CNTRL: variants seen among roughly 807,000 people sequenced by gnomAD.
CNTRL encodes 110 kDa centrosomal protein.
Under a neutral mutation model 303.7 loss-of-function variants are expected in CNTRL, and 233 were observed. The observed-to-expected ratio is 0.77, with a 90% CI of 0.69 to 0.86. The LOEUF is 0.86. Ranked by LOEUF, CNTRL falls within the 40% of genes least tolerant of loss-of-function variation. CNTRL has a pLI of 0.00. For missense variants in CNTRL, 2,524 were observed against 2,650.6 expected, an observed-to-expected ratio of 0.95 and a Z score of 1.05; for synonymous variants, 900 against 922.2, an observed-to-expected ratio of 0.98 and a Z score of 0.44.
chr9:121,138,448 C>G lies in CNTRL; in HGVS notation c.2203-97C>G, dbSNP rs538501824. On this transcript the variant is annotated intron_variant, in intron 15 of 43. Coordinates refer to ENST00000373855, the MANE Select transcript of CNTRL (RefSeq NM_007018.6). ...AATTGAGTTGTAAAACTATAGCTAGCAAGGGATTGTGTGTATATGTAAATT... is the reference window on the plus strand; with the variant it reads ...AATTGAGTTGTAAAACTATAGCTAGGAAGGGATTGTGTGTATATGTAAATT... The G allele has an allele frequency of 1.3e-4, 163 of 1,223,762 alleles. No individual in the cohort carries two copies. In the African/African-American group the frequency reaches 1.9e-3, roughly 14 times the overall value. 75.8% of individuals were successfully genotyped at this position (1,223,762 alleles called of 1,614,324 possible).
At chr9:121,160,905 G>A (rs2052814516) in intron 32 of CNTRL, among the ~76,000 whole-genome samples, 1 of 152,154 alleles carries the variant, frequency 6.6e-6, no homozygotes, top group East Asian at 1.9e-4. Context: ...CTTGAGCTCA[G>A]GAGATCAAGG....
chr9:121,169,875 G>A, intron 39 of CNTRL, 59 bp downstream of exon 39: 2 of 1,341,082 alleles, frequency 1.5e-6, no homozygotes, highest in Non-Finnish European at 2.1e-6. Context: ...ATTTTAAACT[G>A]CAACACCACT....
In CNTRL at chr9:121,089,358, G is replaced by A. The variant is rs530660794; in HGVS notation, c.217+815G>A. On this transcript the variant is annotated intron_variant, in intron 3 of 43. Coordinates refer to ENST00000373855, the MANE Select transcript of CNTRL (RefSeq NM_007018.6). ...TTGTAAATAATCTTAGAGAATCTTTGGCTCACAGCCTGGATCTCAACCCAG... is the reference window on the plus strand; with the variant it reads ...TTGTAAATAATCTTAGAGAATCTTTAGCTCACAGCCTGGATCTCAACCCAG... Among the ~76,000 whole-genome samples the A allele has an allele frequency of 3.3e-5, 5 of 152,094 alleles. No individual in the cohort carries two copies. The South Asian group carries it at 1.0e-3, about 32-fold the overall frequency.
chr9:121,150,618 T>C, intron 25 of CNTRL, 135 bp downstream of exon 25: 2 of 782,622 alleles, frequency 2.6e-6, no homozygotes, highest in Non-Finnish European at 4.1e-6. Context: ...TGTTTAGAAC[T>C]GTGCAAGCAT....
chr9:121,151,344 AT>A (rs1028615612), intron 25 of CNTRL, among the ~76,000 whole-genome samples: 2 of 123,154 alleles, frequency 1.6e-5, no homozygotes, highest in African/African-American at 5.9e-5. Context: ...AGAAATAATT[AT>A]TTCCTAATTA....
chr9:121,166,146 C>G lies in CNTRL; in HGVS notation c.5621C>G (p.Ala1874Gly), dbSNP rs2053080930. The G allele has an allele frequency of 1.2e-6, 2 of 1,612,362 alleles. No homozygotes were observed. Among genetic ancestry groups the G allele is most frequent in the East Asian group, 4.5e-5 (2 of 44,800 alleles). The change falls in exon 36 of 44, where the codon GCT (alanine) becomes GGT (glycine). Residue 1874 changes from alanine to glycine, a missense_variant. By Grantham distance (60) the Ala-to-Gly change is moderately conservative. Transcript: ENST00000373855. ...EAVNSLQEEL[A>G]NVQDHLNLAK... Reference sequence around the variant, plus strand: ...GTAAACTCACTGCAGGAGGAACTAGCTAATGTCCAAGACCATTTGAACCTA... The same window carrying G: ...GTAAACTCACTGCAGGAGGAACTAGGTAATGTCCAAGACCATTTGAACCTA...
chr9:121,096,515 G>C lies in CNTRL; in HGVS notation c.573G>C (p.Lys191Asn), dbSNP rs1361613608. The C allele has an allele frequency of 6.5e-7, 1 of 1,543,156 alleles. No homozygotes were observed. Among genetic ancestry groups the C allele is most frequent in the Admixed American group, 1.8e-5 (1 of 56,168 alleles). ...ATATTCCAGTATGGTTAGGGAAGAA[G>C]TTAAAATCTTTGCGAGTCCTCAATT... ...IEHIPVWLGK[K>N]LKSLRVLNLK... Residue 191 changes from lysine to asparagine, a missense_variant, in exon 6 of 44, where the codon AAG becomes AAC. By Grantham distance (94) the Lys-to-Asn change is moderately conservative. Transcript: ENST00000373855.
chr9:121,150,216 C>T lies in CNTRL; in HGVS notation c.3696C>T (p.Asp1232=). 6.2e-7 allele frequency: 1 copy of T among 1,613,414 alleles called. No homozygotes were observed. The highest frequency in any genetic ancestry group is 1.1e-5 in the South Asian group (1 of 91,004). Reference sequence around the variant, plus strand: ...GTCAGGAAGAGAGTGAGCTGGATGACCAAGAAGAACCCCCATTTGTGCCTC... The same window carrying T: ...GTCAGGAAGAGAGTGAGCTGGATGATCAAGAAGAACCCCCATTTGTGCCTC... The part of the protein sequence containing the change: ...GDSQEESELD[D]QEEPPFVPPP... The change falls in exon 25 of 44, where the codon GAC becomes GAT. Residue 1232 remains aspartate (D), a synonymous_variant. Transcript: ENST00000373855.
At chr9:121,077,871 A>G (rs1285502517) in intron 1 of CNTRL, among the ~76,000 whole-genome samples, 1 of 152,080 alleles carries the variant, frequency 6.6e-6, no homozygotes, top group African/African-American at 2.4e-5. Context: ...ACTTGAGCCC[A>G]GGAAGGCAAG....
At chr9:121,139,902 G>A (rs943694445) in intron 16 of CNTRL, among the ~76,000 whole-genome samples, 1 of 152,216 alleles carries the variant, frequency 6.6e-6, no homozygotes, top group Non-Finnish European at 1.5e-5. Context: ...AGTAGAAAGT[G>A]AAGTCAACTT....
At position 121,098,606 on chromosome 9, in the gene CNTRL, T is replaced by G. The variant is rs556749701; in HGVS notation, c.808+34T>G. ...AAATTTAAAAAATAATAAATTTGGG[T>G]GAGGGAGGAATTTATTTTCAGAAGT... On this transcript the variant is annotated intron_variant, in intron 7 of 43. Transcript: ENST00000373855. The G allele has an allele frequency of 1.9e-5, 26 of 1,373,558 alleles. No homozygotes were observed. In the African/African-American group the frequency reaches 3.8e-4, roughly 20 times the overall value. 85.1% of individuals were successfully genotyped at this position (1,373,558 alleles called of 1,614,324 possible).
intron 14 of CNTRL, among the ~76,000 whole-genome samples, chr9:121,130,194 CA>C (rs749833830): frequency 3.9e-5 from 6 of 152,142 alleles, no homozygotes; most frequent in Non-Finnish European, 5.9e-5. Context: ...GGAAGAGTTT[CA>C]GAAGGAATGG....
At chr9:121,095,771 A>T (rs1037054890) in intron 5 of CNTRL, among the ~76,000 whole-genome samples, 1 of 152,350 alleles carries the variant, frequency 6.6e-6, no homozygotes, top group East Asian at 1.9e-4. Context: ...TTGAAAGTAG[A>T]GAAGCTTAGA....
chr9:121,090,353 T>C lies in CNTRL; in HGVS notation c.296T>C (p.Leu99Ser), dbSNP rs758254553. ...CTTACTAAACAGGATAATTTGGCTTTGATAAAATCTCTGAACCTTTCACTT... is the reference window on the plus strand; with the variant it reads ...CTTACTAAACAGGATAATTTGGCTTCGATAAAATCTCTGAACCTTTCACTT... ...KKLTKQDNLA[L>S]IKSLNLSLSK... Residue 99 changes from leucine to serine, a missense_variant, in exon 4 of 44, where the codon TTG becomes TCG. By Grantham distance (145) the Leu-to-Ser change is moderately radical (BLOSUM62 -2). Coordinates refer to ENST00000373855, the MANE Select transcript of CNTRL (RefSeq NM_007018.6). 4 of 1,613,000 alleles carry C rather than the reference T, an allele frequency of 2.5e-6. No individual in the cohort carries two copies. The highest frequency in any genetic ancestry group is 3.4e-6 in the Non-Finnish European group (4 of 1,179,536).
rs746303667 is a variant in CNTRL at position 121,113,600 on chromosome 9, T to C, written c.1221T>C (p.Ser407=). Residue 407 remains serine (S), a synonymous_variant, in exon 10 of 44, where the codon AGT becomes AGC. Coordinates refer to ENST00000373855, the MANE Select transcript of CNTRL (RefSeq NM_007018.6). Reference sequence around the variant, plus strand: ...CCACAGAGAGTTATATTATTGACAGTGCTCAGGCAGTACAGATCAAGAAGA... The same window carrying C: ...CCACAGAGAGTTATATTATTGACAGCGCTCAGGCAGTACAGATCAAGAAGA... ...MFATESYIID[S]AQAVQIKKME... The C allele has an allele frequency of 2.5e-6, 4 of 1,609,734 alleles. No homozygotes were observed. Among genetic ancestry groups the C allele is most frequent in the Admixed American group, 3.4e-5 (2 of 58,816 alleles).
intron 19 of CNTRL, among the ~76,000 whole-genome samples, 159 bp from the exon 20 acceptor site, chr9:121,143,744 G>A (rs2051663436): frequency 6.6e-6 from 1 of 152,176 alleles, no homozygotes; most frequent in South Asian, 2.1e-4. Flanking sequence ...ACAGTTTTGA[G>A]ATCTATTATT....
chr9:121,118,742 A>T (rs761139582), intron 12 of CNTRL, among the ~76,000 whole-genome samples: 8 of 151,976 alleles, frequency 5.3e-5, no homozygotes, highest in Admixed American at 1.3e-4. Flanking sequence ...ATATATTAGG[A>T]AAAAAAAGGA....
chr9:121,095,134 T>A (rs1181001389), intron 5 of CNTRL, 116 bp downstream of exon 5: 2 of 765,494 alleles, frequency 2.6e-6, no homozygotes, highest in Non-Finnish European at 4.0e-6. Flanking sequence ...GATATTTTTA[T>A]CTTTATTCAT....
chr9:121,104,389 A>AG (rs1235993674), intron 7 of CNTRL, among the ~76,000 whole-genome samples: 6 of 152,078 alleles, frequency 3.9e-5, no homozygotes, highest in Admixed American at 3.3e-4. Flanking sequence ...GTGGGGCTAG[A>AG]GGGGAGGGAT....
Sources: allele counts gnomAD v4.1 joint callset (sites outside exome capture counted in the v4.1 genomes callset), GRCh38; gene constraint gnomAD v4.1.1; transcripts MANE v1.5; gene names NCBI Gene and HGNC (gene_info 2026-07-23, HGNC 2026-07-21).